Variants in COL24A1 observed in about 807,000 individuals in gnomAD.
COL24A1 encodes the protein collagen type XXIV alpha 1 chain.
COL24A1 carries 224 observed loss-of-function variants against 253.9 expected under a neutral mutation model. The ratio of observed to expected loss-of-function variants is 0.88; its 90% CI spans 0.79 to 0.99. The LOEUF (loss-of-function observed/expected upper bound fraction) is 0.99. Among genes scored for constraint, COL24A1 ranks in the 50% least tolerant of loss-of-function variants. The pLI is 0.00. For synonymous variants in COL24A1, 685 were observed against 673.7 expected (o/e 1.02, Z -0.26); for missense variants, 2,131 against 2,068.5 (o/e 1.03, Z -0.59).
intron 19 of COL24A1, among the ~76,000 whole-genome samples, chr1:86,006,659 A>T (rs1463524902): frequency 6.6e-6 from 1 of 152,176 alleles, no homozygotes; most frequent in Non-Finnish European, 1.5e-5. Flanking sequence ...AAAATTTAAA[A>T]CTTCTGCCCT....
rs184292475 is a variant in COL24A1 at position 86,151,776 on chromosome 1, T to C, written c.56+4565A>G. Among the ~76,000 whole-genome samples the C allele has an allele frequency of 3.0e-3, 450 of 152,342 alleles. 1 individual carries two copies. The highest frequency in any genetic ancestry group is 4.8e-3 in the Non-Finnish European group (329 of 68,006). ...GTACCCCTGAGACTCTAAGGTATTATAACTTATGTCTTCAGGCTACTGATG... is the reference window on the plus strand; with the variant it reads ...GTACCCCTGAGACTCTAAGGTATTACAACTTATGTCTTCAGGCTACTGATG... On this transcript the variant is annotated intron_variant, in intron 1 of 59. Transcript: ENST00000370571.
chr1:85,830,341 A>C (rs1675047660), intron 43 of COL24A1, among the ~76,000 whole-genome samples: 1 of 152,072 alleles, frequency 6.6e-6, no homozygotes, highest in Non-Finnish European at 1.5e-5. Context: ...TCAGACAGGG[A>C]CATTTAAGTC....
At chr1:85,926,570 T>G (rs7556117) in intron 24 of COL24A1, among the ~76,000 whole-genome samples, 151,421 of 152,134 alleles carry the variant, frequency 1, 75,358 homozygotes, top group Middle Eastern at 1. Context: ...CACAAGGACA[T>G]AAGACCAAAC....
intron 56 of COL24A1, 113 bp from the exon 57 acceptor site, chr1:85,744,947 A>G: frequency 1.3e-6 from 1 of 751,180 alleles, no homozygotes; most frequent in Non-Finnish European, 2.2e-6. Flanking sequence ...AGTAGAATGT[A>G]AAGAACAGTT....
chr1:86,068,916 G>T (rs1264508706), intron 7 of COL24A1, among the ~76,000 whole-genome samples: 1 of 152,100 alleles, frequency 6.6e-6, no homozygotes, highest in African/African-American at 2.4e-5. Flanking sequence ...TCTAGTACTG[G>T]CAGGATTCAT....
At chr1:85,836,082 T>C (rs963726229) in intron 43 of COL24A1, among the ~76,000 whole-genome samples, 1 of 152,192 alleles carries the variant, frequency 6.6e-6, no homozygotes, top group Admixed American at 6.5e-5. Flanking sequence ...AGTTTACTAA[T>C]CTTAACCCAT....
chr1:85,909,977 T>C lies in COL24A1; in HGVS notation c.2643A>G (p.Leu881=), dbSNP rs778015135. ...EKGERGSPGP[L]GPQGEKGVMG... ...TAACACCTTTTTCTCCCTGCGGACCTAGTGGGCCTGGACTTCCACGTTCTC... is the reference window on the plus strand; with the variant it reads ...TAACACCTTTTTCTCCCTGCGGACCCAGTGGGCCTGGACTTCCACGTTCTC... Residue 881 remains leucine (L), a synonymous_variant, in exon 26 of 60, where the codon CTA becomes CTG. Coordinates refer to ENST00000370571, the MANE Select transcript of COL24A1 (RefSeq NM_152890.7). The C allele has an allele frequency of 3.7e-6, 6 of 1,610,336 alleles. No homozygotes were observed. Among genetic ancestry groups the C allele is most frequent in the East Asian group, 4.5e-5 (2 of 44,796 alleles).
At chr1:86,135,697 C>T (rs1650125516) in intron 2 of COL24A1, among the ~76,000 whole-genome samples, 2 of 151,908 alleles carry the variant, frequency 1.3e-5, no homozygotes, top group Admixed American at 1.3e-4. Context: ...TAATATATTG[C>T]CTTCTTTTAC....
chr1:86,000,580 C>T (rs558526572), intron 19 of COL24A1, among the ~76,000 whole-genome samples: 1 of 152,242 alleles, frequency 6.6e-6, no homozygotes, highest in African/African-American at 2.4e-5. Flanking sequence ...ATACAGCTGG[C>T]CACAGTCTAG....
intron 47 of COL24A1, among the ~76,000 whole-genome samples, chr1:85,794,172 A>T (rs1225036169): frequency 2.0e-5 from 3 of 152,152 alleles, no homozygotes; most frequent in African/African-American, 7.2e-5. Flanking sequence ...GAGGTAATGG[A>T]TATTTTAGGG....
At chr1:85,901,122 C>A (rs1684244343) in intron 28 of COL24A1, among the ~76,000 whole-genome samples, 1 of 152,132 alleles carries the variant, frequency 6.6e-6, no homozygotes, top group African/African-American at 2.4e-5. Flanking sequence ...AAGAGACAAC[C>A]TGTTGAATGA....
At chr1:85,904,632 A>G (rs867309324) in intron 28 of COL24A1, among the ~76,000 whole-genome samples, 6 of 152,156 alleles carry the variant, frequency 3.9e-5, no homozygotes, top group Admixed American at 6.6e-5. Context: ...AAATAATAAT[A>G]CTTTAAAGTT....
chr1:86,060,108 T>A (rs1700970819), intron 8 of COL24A1, among the ~76,000 whole-genome samples: 1 of 152,134 alleles, frequency 6.6e-6, no homozygotes, highest in African/African-American at 2.4e-5. Context: ...CAGGGAAGGC[T>A]GATAGATGGA....
At position 85,761,570 on chromosome 1, in the gene COL24A1, G is replaced by A; in HGVS notation, c.4375-4C>T. 1 of 1,614,006 alleles carries A rather than the reference G, an allele frequency of 6.2e-7. No individual in the cohort carries two copies. Among genetic ancestry groups the A allele is most frequent in the Non-Finnish European group, 8.5e-7 (1 of 1,179,906 alleles). ...GACCTCTTGGTCCTTGAGGACCCTG[G>A]AAGAAATGGAGACAAACACAAGACC... On this transcript the variant is annotated splice_region_variant and splice_polypyrimidine_tract_variant and intron_variant, in intron 53 of 59. Transcript: ENST00000370571.
chr1:86,059,155 C>G lies in COL24A1; in HGVS notation c.1772G>C (p.Gly591Ala). 1 of 1,610,776 alleles carries G rather than the reference C, an allele frequency of 6.2e-7. No homozygotes were observed. Among genetic ancestry groups the G allele is most frequent in the Non-Finnish European group, 8.5e-7 (1 of 1,178,196 alleles). Residue 591 changes from glycine (G) to alanine (A), a missense_variant, in exon 9 of 60, where the codon GGT (glycine) becomes GCT (alanine). Transcript: ENST00000370571. ...PGEQGIPGFA[G>A]NIGSPGYPGR... is the part of the protein sequence containing the mutation. ...AGGGTAACCGGGTGAACCAATATTACCAGCAAATCCTGGAATTCCCTGAAA... is the reference window on the plus strand; with the variant it reads ...AGGGTAACCGGGTGAACCAATATTAGCAGCAAATCCTGGAATTCCCTGAAA...
chr1:85,845,181 A>T (rs1253556190), intron 39 of COL24A1, among the ~76,000 whole-genome samples: 1 of 151,902 alleles, frequency 6.6e-6, no homozygotes, highest in Non-Finnish European at 1.5e-5. Flanking sequence ...CCTAAGTAAG[A>T]TTTATCCTAG....
intron 31 of COL24A1, among the ~76,000 whole-genome samples, chr1:85,890,350 A>G (rs947602990): frequency 6.6e-6 from 1 of 151,456 alleles, no homozygotes; most frequent in Non-Finnish European, 1.5e-5. Context: ...CCCCTATTTT[A>G]TATTTGTACC....
rs796299945 is a variant in COL24A1 at position 85,934,957 on chromosome 1, A to T, written c.2563-23524T>A. Among the ~76,000 whole-genome samples, 5 of 152,234 alleles carry T rather than the reference A, an allele frequency of 3.3e-5. No individual in the cohort carries two copies. In the South Asian group the frequency reaches 6.2e-4, roughly 19 times the overall value. ...TTCCACATCTAACACACAATTAAAA[A>T]AAAAACACCAAGCATTTAGCTAGAA... is the stretch of plus-strand genomic sequence containing the variant. On this transcript the variant is annotated intron_variant, in intron 24 of 59. Coordinates refer to ENST00000370571, the MANE Select transcript of COL24A1 (RefSeq NM_152890.7).
chr1:86,059,988 AAGCCACCC>A (rs1255537553), intron 8 of COL24A1, among the ~76,000 whole-genome samples: 13 of 152,074 alleles, frequency 8.5e-5, no homozygotes, highest in Admixed American at 8.5e-4. Context: ...TGTTGTTTAT[AAGCCACCC>A]AGTCTATGGT....
Sources: allele counts gnomAD v4.1 joint callset (sites outside exome capture counted in the v4.1 genomes callset), GRCh38; gene constraint gnomAD v4.1.1; transcripts MANE v1.5; gene names NCBI Gene and HGNC (gene_info 2026-07-23, HGNC 2026-07-21).